Variants in ZFY observed in about 807,000 individuals in gnomAD.
The protein encoded by ZFY is zinc finger protein Y-linked.
For missense variants in ZFY, 113 were observed against 170.9 expected, an observed-to-expected ratio of 0.66 and a Z score of 1.89; for synonymous variants, 47 against 55.8, an observed-to-expected ratio of 0.84 and a Z score of 0.71.
chrY:2,939,997 T>G, intron 1 of ZFY, among the ~76,000 whole-genome samples: 2 of 33,747 alleles, frequency 5.9e-5, no homozygotes. Context: ...ACAGAATGAT[T>G]TGGCAGGTAA....
intron 2 of ZFY, among the ~76,000 whole-genome samples, chrY:2,960,325 A>G (rs1023659528): frequency 3.1e-5 from 1 of 32,020 alleles, no homozygotes; most frequent in Non-Finnish European, 7.6e-5. Flanking sequence ...GCCCCACTCC[A>G]ACCACCCCCA....
At chrY:2,953,412 GTTATC>G (rs2051284232) in intron 1 of ZFY, among the ~76,000 whole-genome samples, 1 of 32,824 alleles carries the variant, frequency 3.0e-5, no homozygotes, top group Non-Finnish European at 7.5e-5. Context: ...GAAATGTTCT[GTTATC>G]TTAATATAAA....
chrY:2,942,925 C>G, intron 1 of ZFY, among the ~76,000 whole-genome samples: 1 of 33,467 alleles, frequency 3.0e-5, no homozygotes, highest in Non-Finnish European at 7.4e-5. Flanking sequence ...TTTTGGATAA[C>G]TATACCAAGA....
intron 5 of ZFY, 70 bp from the exon 6 acceptor site, chrY:2,976,600 C>G: frequency 4.4e-6 from 1 of 226,639 alleles, no homozygotes; most frequent in South Asian, 4.3e-5. Context: ...TTTTTTCCTA[C>G]TAATGAATTT....
intron 3 of ZFY, among the ~76,000 whole-genome samples, chrY:2,969,486 A>G: frequency 3.0e-5 from 1 of 33,338 alleles, no homozygotes; most frequent in African/African-American, 1.2e-4. Context: ...AGGAAATACA[A>G]AGTTTGTGAA....
chrY:2,978,724 A>G, intron 7 of ZFY, 86 bp from the exon 8 acceptor site: 1 of 307,205 alleles, frequency 3.3e-6, no homozygotes, highest in Non-Finnish European at 4.9e-6. Context: ...TTTGCCCACT[A>G]ATGTTCAGAA....
chrY:2,939,866 AT>A (rs2051236115), intron 1 of ZFY, among the ~76,000 whole-genome samples: 1 of 31,752 alleles, frequency 3.1e-5, no homozygotes, highest in Non-Finnish European at 7.8e-5. Context: ...CAGTGTAGAT[AT>A]CTTTAATTAA....
At chrY:2,953,530 A>C in intron 1 of ZFY, among the ~76,000 whole-genome samples, 1 of 33,953 alleles carries the variant, frequency 2.9e-5, no homozygotes, top group Non-Finnish European at 7.3e-5. Context: ...AAGCATTGTG[A>C]ATTTTATATA....
In ZFY at chrY:2,954,004, C is replaced by T; in HGVS notation, c.61+7C>T. The stretch of plus-strand genomic sequence containing the variant: ...TCATTTTTTGATGGAATAGGTATTA[C>T]TATTTATTGGGTTGTTTCACTTCCC... On this transcript the variant is annotated splice_region_variant and intron_variant, in intron 2 of 7. Transcript: ENST00000155093. 5.2e-6 allele frequency: 2 copies of T among 383,657 alleles called. No individual in the cohort carries two copies. Among genetic ancestry groups the T allele is most frequent in the Non-Finnish European group, 7.3e-6 (2 of 274,481 alleles).
intron 1 of ZFY, among the ~76,000 whole-genome samples, chrY:2,939,035 CTG>C (rs2051232546): frequency 5.8e-5 from 1 of 17,265 alleles, no homozygotes; most frequent in Non-Finnish European, 1.3e-4. Flanking sequence ...ATAAATAACT[CTG>C]TTTACATTTG....
Position 2,944,851 on chromosome Y carries a change from G to A in ZFY, c.-28-9058G>A. Among the ~76,000 whole-genome samples, 3 of 24,752 alleles carry A rather than the reference G, an allele frequency of 1.2e-4. No individual in the cohort carries two copies. The South Asian group carries it at 3.0e-3, about 25-fold the overall frequency. 66.4% of individuals were successfully genotyped at this position (24,752 alleles called of 37,273 possible). ...CAACCTTTGCCTCCTGGGTTCAAGC[G>A]ATTCTCCTGCCTCAGCCTCCTGAGT... On this transcript the variant is annotated intron_variant, in intron 1 of 7. Transcript: ENST00000155093.
chrY:2,974,979 A>T, intron 3 of ZFY, 116 bp from the exon 4 acceptor site: 1 of 221,180 alleles, frequency 4.5e-6, no homozygotes, highest in Non-Finnish European at 7.2e-6. Context: ...GAATACTTGT[A>T]ATATTGTATG....
At chrY:2,937,297 G>C in intron 1 of ZFY, among the ~76,000 whole-genome samples, 1 of 31,087 alleles carries the variant, frequency 3.2e-5, no homozygotes, top group Admixed American at 2.9e-4. Context: ...CCGAGGTCAG[G>C]AGTTCGAATC....
In ZFY at chrY:2,961,338, C is replaced by T. The variant is rs201945104; in HGVS notation, c.326C>T (p.Ser109Phe). 2.7e-3 allele frequency: 1,079 copies of T among 397,869 alleles called. No homozygotes were observed. Among genetic ancestry groups the T allele is most frequent in the Non-Finnish European group, 3.7e-3 (1,043 of 283,517 alleles). ...GACTCAGATGTAACTGAAGAAGTTT[C>T]TTTACCACACTGCACAGTCCCAGAT... ...VLDSDVTEEV[S>F]LPHCTVPDDV... The change falls in exon 3 of 8, where the codon TCT becomes TTT. Residue 109 changes from serine (S) to phenylalanine (F), a missense_variant. By Grantham distance (155) the Ser-to-Phe change is radical. Coordinates refer to ENST00000155093, the MANE Select transcript of ZFY (RefSeq NM_003411.4).
Position 2,979,617 on chromosome Y carries a change from T to C in ZFY, c.2030T>C (p.Val677Ala). 2 of 399,271 alleles carry C rather than the reference T, an allele frequency of 5.0e-6. No homozygotes were observed. Among genetic ancestry groups the C allele is most frequent in the South Asian group, 3.0e-5 (1 of 33,822 alleles). The change falls in exon 8 of 8, where the codon GTG (valine) becomes GCG (alanine). Residue 677 changes from valine to alanine, a missense_variant. Val to Ala is a moderately conservative substitution (Grantham distance 64). Coordinates refer to ENST00000155093, the MANE Select transcript of ZFY (RefSeq NM_003411.4). Reference sequence around the variant, plus strand: ...AGGCCTTCAGAACTTAAGAAACATGTGGCTGTCCACAAAGGTAAAAAAATG... The same window carrying C: ...AGGCCTTCAGAACTTAAGAAACATGCGGCTGTCCACAAAGGTAAAAAAATG... Reference protein sequence around the residue: ...FHRPSELKKHVAVHKGKKMHQ... With the variant: ...FHRPSELKKHAAVHKGKKMHQ...
At position 2,979,360 on chromosome Y, in the gene ZFY, A is replaced by G; in HGVS notation, c.1773A>G (p.Ile591Met). The change falls in exon 8 of 8, where the codon ATA (isoleucine) becomes ATG (methionine). Residue 591 changes from isoleucine to methionine, a missense_variant. Physicochemically the swap from Ile to Met is conservative, Grantham distance 10. Transcript: ENST00000155093. Reference sequence around the variant, plus strand: ...ACTCTTCTAACTTGAAAACACATATAAAAACAAAGCATAGTAAAGAGATGC... The same window carrying G: ...ACTCTTCTAACTTGAAAACACATATGAAAACAAAGCATAGTAAAGAGATGC... ...SADSSNLKTH[I>M]KTKHSKEMPF... is the part of the protein sequence containing the mutation. The G allele has an allele frequency of 2.5e-6, 1 of 398,845 alleles. No individual in the cohort carries two copies. Among genetic ancestry groups the G allele is most frequent in the East Asian group, 9.2e-5 (1 of 10,866 alleles).
At chrY:2,974,173 T>G (rs9786091) in intron 3 of ZFY, among the ~76,000 whole-genome samples, 1 of 28,896 alleles carries the variant, frequency 3.5e-5, no homozygotes, top group Non-Finnish European at 8.2e-5. Flanking sequence ...AACTATTTAT[T>G]TATTTATTTA....
intron 2 of ZFY, among the ~76,000 whole-genome samples, chrY:2,954,382 A>C: frequency 3.1e-5 from 1 of 32,636 alleles, no homozygotes; most frequent in African/African-American, 1.2e-4. Flanking sequence ...AGAATTATAC[A>C]AGGTTAAAAT....
chrY:2,949,215 A>G (rs762732186), intron 1 of ZFY, among the ~76,000 whole-genome samples: 1 of 31,077 alleles, frequency 3.2e-5, no homozygotes, highest in East Asian at 8.4e-4. Flanking sequence ...GGCTCACTGC[A>G]GCCTCAACCT....
Sources: gnomAD v4.1 joint callset for allele counts (sites outside exome capture counted in the v4.1 genomes callset) on GRCh38, gnomAD v4.1.1 for gene constraint, MANE v1.5 for transcripts, NCBI Gene and HGNC (gene_info 2026-07-23, HGNC 2026-07-21) for gene names.